CTNNA2: variants seen among roughly 807,000 people sequenced by gnomAD.
CTNNA2 encodes catenin alpha-2.
A neutral mutation model predicts 101.0 loss-of-function variants in CTNNA2; 42 were observed. The ratio of observed to expected loss-of-function variants is 0.42; its 90% CI spans 0.32 to 0.54. The LOEUF (loss-of-function observed/expected upper bound fraction) is 0.54. CTNNA2 is among the 20% of genes least tolerant of loss of function. The probability of loss-of-function intolerance (pLI) is 0.14; values close to 1 mark genes in which losing one functional copy is unlikely to be tolerated. For synonymous variants in CTNNA2, 450 were observed against 456.4 expected (o/e 0.99, Z 0.18); for missense variants, 871 against 1,223.1 (o/e 0.71, Z 4.29).
At chr2:79,635,794 G>A (rs1377455457) in intron 1 of CTNNA2, among the ~76,000 whole-genome samples, 2 of 151,248 alleles carry the variant, frequency 1.3e-5, no homozygotes, top group East Asian at 2.0e-4. Context: ...ATGAGCCACC[G>A]TGCCCGGCCA....
At chr2:79,888,847 T>C (rs1225037539) in intron 6 of CTNNA2, among the ~76,000 whole-genome samples, 1 of 152,210 alleles carries the variant, frequency 6.6e-6, no homozygotes, top group Non-Finnish European at 1.5e-5. Flanking sequence ...ATATTCAAAA[T>C]TGTCTAACAT....
chr2:79,513,853 A>T lies in CTNNA2; in HGVS notation c.-6+646A>T, dbSNP rs188658286. On this transcript the variant is annotated intron_variant, in intron 1 of 18. Transcript: ENST00000402739. ...TTTCCAGTGTGTGTCTCACCAATTT[A>T]AAATCCAGCCTTCCCTGCTTTGATT... 2.4e-3 allele frequency among the ~76,000 whole-genome samples: 368 copies of T among 152,282 alleles called. 2 individuals are homozygous for T. Among genetic ancestry groups the T allele is most frequent in the African/African-American group, 8.3e-3 (343 of 41,544 alleles).
chr2:79,722,716 G>T (rs545327366), intron 2 of CTNNA2, among the ~76,000 whole-genome samples: 1 of 152,120 alleles, frequency 6.6e-6, no homozygotes, highest in Admixed American at 6.6e-5. Context: ...TTGCTACAAG[G>T]ACATGAACTA....
chr2:80,115,163 C>T (rs961810698), intron 7 of CTNNA2, among the ~76,000 whole-genome samples: 2 of 152,224 alleles, frequency 1.3e-5, no homozygotes, highest in South Asian at 4.1e-4. Context: ...ACTGAGGCTT[C>T]ATGCTTTGTG....
chr2:79,491,486 T>C (rs1433289909), intron 4 of CTNNA2, among the ~76,000 whole-genome samples: 2 of 152,176 alleles, frequency 1.3e-5, no homozygotes, highest in Non-Finnish European at 2.9e-5. Flanking sequence ...CTATTTTAGC[T>C]ATGTTAAGCA....
intron 18 of CTNNA2, among the ~76,000 whole-genome samples, chr2:80,640,187 G>A (rs76353161): frequency 0.023 from 3,532 of 152,216 alleles, 77 homozygotes; most frequent in South Asian, 0.085. Flanking sequence ...AAATACAGAA[G>A]TCGTGATACA....
At chr2:80,472,617 G>A (rs1281015931) in intron 9 of CTNNA2, among the ~76,000 whole-genome samples, 1 of 152,118 alleles carries the variant, frequency 6.6e-6, no homozygotes, top group African/African-American at 2.4e-5. Context: ...ACATTCACGG[G>A]GTTGGATTCC....
intron 18 of CTNNA2, among the ~76,000 whole-genome samples, chr2:80,623,480 A>G (rs1179693125): frequency 6.6e-6 from 1 of 151,954 alleles, no homozygotes; most frequent in African/African-American, 2.4e-5. Flanking sequence ...GTATTCCAGG[A>G]TAACTGAAGC....
intron 4 of CTNNA2, among the ~76,000 whole-genome samples, chr2:79,466,161 C>T (rs140111986): frequency 6.6e-6 from 1 of 152,188 alleles, no homozygotes; most frequent in Admixed American, 6.5e-5. Context: ...ACAGACAGCA[C>T]CTGGAAAATC....
intron 3 of CTNNA2, among the ~76,000 whole-genome samples, chr2:79,849,678 G>A (rs1047387587): frequency 6.6e-6 from 1 of 152,132 alleles, no homozygotes. Flanking sequence ...GAGAAGCAAA[G>A]GAGTTGCTCC....
intron 2 of CTNNA2, among the ~76,000 whole-genome samples, chr2:79,264,047 G>A (rs1348617046): frequency 6.6e-6 from 1 of 152,148 alleles, no homozygotes; most frequent in Admixed American, 6.5e-5. Context: ...AGATTAGCCA[G>A]GCAAATGTAA....
intron 3 of CTNNA2, among the ~76,000 whole-genome samples, chr2:79,783,458 C>G (rs1674607062): frequency 1.3e-5 from 2 of 152,184 alleles, no homozygotes; most frequent in Admixed American, 6.5e-5. Context: ...AAACTTATTT[C>G]TCTCTTCTCT....
chr2:80,545,996 G>T lies in CTNNA2; in HGVS notation c.1473G>T (p.Lys491Asn), dbSNP rs371922258. Residue 491 changes from lysine (K) to asparagine (N), a missense_variant, in exon 11 of 19, where the codon AAG becomes AAT. Lys to Asn is a moderately conservative substitution (Grantham distance 94). Transcript: ENST00000402739. ...NMDVFKDQWE[K>N]QVRVLTEAVD... ...ACGTCTTCAAAGACCAGTGGGAGAA[G>T]CAGGTCCGAGTGTTGACAGAGGCCG... 1 of 1,614,002 alleles carries T rather than the reference G, an allele frequency of 6.2e-7. No homozygotes were observed. The highest frequency in any genetic ancestry group is 8.5e-7 in the Non-Finnish European group (1 of 1,180,006).
chr2:79,541,334 T>C (rs892681021), intron 1 of CTNNA2, among the ~76,000 whole-genome samples: 1 of 148,980 alleles, frequency 6.7e-6, no homozygotes, highest in African/African-American at 2.5e-5. Flanking sequence ...ATCCTATATA[T>C]ATATATATAT....
At chr2:79,329,416 G>T (rs963961092) in intron 3 of CTNNA2, among the ~76,000 whole-genome samples, 6 of 152,190 alleles carry the variant, frequency 3.9e-5, no homozygotes, top group African/African-American at 1.4e-4. Flanking sequence ...CTTGTGATCA[G>T]GTGGCAGGGA....
At chr2:80,114,484 G>A (rs184196955) in intron 7 of CTNNA2, among the ~76,000 whole-genome samples, 38 of 152,236 alleles carry the variant, frequency 2.5e-4, no homozygotes, top group African/African-American at 6.3e-4. Flanking sequence ...TTCCAGCCTC[G>A]TGGCCATACC....
chr2:79,438,407 C>A (rs555081238), intron 4 of CTNNA2, among the ~76,000 whole-genome samples: 1 of 152,278 alleles, frequency 6.6e-6, no homozygotes, highest in African/African-American at 2.4e-5. Flanking sequence ...CTTTTTAGCA[C>A]TGAAAGTCCT....
chr2:80,501,616 T>C (rs1266640996), intron 9 of CTNNA2, among the ~76,000 whole-genome samples: 1 of 152,222 alleles, frequency 6.6e-6, no homozygotes, highest in Admixed American at 6.5e-5. Flanking sequence ...CTTGGGTTCA[T>C]CATGAAACAG....
chr2:79,319,618 C>G (rs1446171469), intron 3 of CTNNA2: 1 of 151,844 alleles, frequency 6.6e-6, no homozygotes. Context: ...AGATAAATCA[C>G]CAAAAATGAG....
Sources: gnomAD v4.1 joint callset for allele counts (sites outside exome capture counted in the v4.1 genomes callset) on GRCh38, gnomAD v4.1.1 for gene constraint, MANE v1.5 for transcripts, NCBI Gene and HGNC (gene_info 2026-07-23, HGNC 2026-07-21) for gene names.